Variants in TRANK1 observed in about 807,000 individuals in gnomAD.
TRANK1 encodes the protein tetratricopeptide repeat and ankyrin repeat containing 1, also known as TPR and ankyrin repeat-containing protein 1.
TRANK1 carries 198 observed loss-of-function variants against 266.0 expected under a neutral mutation model. That is an observed-to-expected ratio of 0.74 (90% confidence interval 0.66 to 0.84). TRANK1 has a LOEUF of 0.84. Among genes scored for constraint, TRANK1 ranks in the 40% least tolerant of loss-of-function variants. The pLI is 0.00. For missense variants in TRANK1, 3,326 were observed against 3,634.6 expected (o/e 0.92, Z 2.18); for synonymous variants, 1,396 against 1,384.1 (o/e 1.01, Z -0.19).
In TRANK1 at chr3:36,861,131, T is replaced by C. The variant is rs1559436343; in HGVS notation, c.1270A>G (p.Asn424Asp). ...AAGACGGTGGTGGCACAGTCTTGAT[T>C]AATATCACAGACCAGGTCAGGAGGA... ...EIPPDLVCDI[N>D]QDCATTVFKF... Residue 424 changes from asparagine to aspartate, a missense_variant, in exon 11 of 24, where the codon AAT becomes GAT. Transcript: ENST00000645898. The C allele has an allele frequency of 6.5e-7, 1 of 1,537,326 alleles. No individual in the cohort carries two copies. Among genetic ancestry groups the C allele is most frequent in the Non-Finnish European group, 8.7e-7 (1 of 1,146,926 alleles).
intron 1 of TRANK1, among the ~76,000 whole-genome samples, chr3:36,933,183 T>C (rs2080383091): frequency 6.6e-6 from 1 of 152,182 alleles, no homozygotes; most frequent in South Asian, 2.1e-4. Context: ...GTGCCCACCT[T>C]ATCTTTAAAA....
chr3:36,864,582 T>C, intron 9 of TRANK1, 102 bp from the exon 10 acceptor site: 2 of 1,108,112 alleles, frequency 1.8e-6, no homozygotes, highest in Non-Finnish European at 1.2e-6. Flanking sequence ...ACTCACATGC[T>C]GTGCAGTGTG....
rs1575202258 is a variant in TRANK1 at position 36,852,084 on chromosome 3, T to G, written c.4749+62A>C. 6.7e-6 allele frequency: 10 copies of G among 1,496,240 alleles called. No homozygotes were observed. The East Asian group carries it at 2.3e-4, about 34-fold the overall frequency. The allele number at this position is 1,496,240 out of a possible 1,614,324, so 92.7% of individuals were successfully genotyped here. On this transcript the variant is annotated intron_variant, in intron 14 of 23. Coordinates refer to ENST00000645898, the MANE Select transcript of TRANK1 (RefSeq NM_001329998.2). ...CTACTTTGTGGTATAATTTAGCTTC[T>G]CAAACTTTTTTCAATTGCAAACTGT...
intron 1 of TRANK1, among the ~76,000 whole-genome samples, chr3:36,934,643 T>C (rs1413724382): frequency 6.6e-6 from 1 of 152,126 alleles, no homozygotes; most frequent in South Asian, 2.1e-4. Flanking sequence ...TCGGAATCCT[T>C]TGTGAAACAT....
rs780132878 is a variant in TRANK1, at chr3:36,831,288, G to A, written c.8295C>T (p.Asp2765=). ...CTCCACATAGGTCACACTGGGTCCT[G>A]TCCACGTCTGCCTTTTTGAAGTTCC... ...RAGNFKKADV[D]RTQCDLCGVK... Residue 2765 remains aspartate (D), a synonymous_variant, in exon 22 of 24, where the codon GAC becomes GAT. Coordinates refer to ENST00000645898, the MANE Select transcript of TRANK1 (RefSeq NM_001329998.2). This position sits in a 1 kb window ranked among gnomAD's most constrained non-coding sequence, Gnocchi z 5.0. 20 of 1,613,282 alleles carry A rather than the reference G, an allele frequency of 1.2e-5. No individual in the cohort carries two copies. The East Asian group carries it at 1.6e-4, about 13-fold the overall frequency.
intron 18 of TRANK1, among the ~76,000 whole-genome samples, chr3:36,841,015 G>A (rs181296442): frequency 1.8e-4 from 28 of 152,286 alleles, no homozygotes; most frequent in Admixed American, 8.5e-4. Context: ...AAAACTCTTC[G>A]AAGAACTGGA....
intron 1 of TRANK1, among the ~76,000 whole-genome samples, chr3:36,940,098 G>A (rs1335426499): frequency 6.6e-6 from 1 of 151,448 alleles, no homozygotes; most frequent in Non-Finnish European, 1.5e-5. Context: ...CACCGTGTTG[G>A]CCAGGCTGGT....
At chr3:36,880,636 C>G (rs1278078322) in intron 8 of TRANK1, 1 of 194,614 alleles carries the variant, frequency 5.1e-6, no homozygotes, top group African/African-American at 2.4e-5. Context: ...ACACATCAAT[C>G]TACTACTTTT....
chr3:36,944,681 C>A lies in TRANK1; in HGVS notation c.23+106G>T, dbSNP rs569073927. 5.2e-6 allele frequency: 7 copies of A among 1,353,742 alleles called. No individual in the cohort carries two copies. In the South Asian group the frequency reaches 8.0e-5, roughly 16 times the overall value. The allele number at this position is 1,353,742 out of a possible 1,614,324, so 83.9% of individuals were successfully genotyped here. A position where few individuals can be genotyped will look rare whatever the true frequency, so the allele number is the denominator to read the frequency against. On this transcript the variant is annotated intron_variant, in intron 1 of 23. Transcript: ENST00000645898. Reference sequence around the variant, plus strand: ...GGATGGCCGGGCGGGCCCGTTCGGCCGCTACCTCAGGGTCGCCAGTCCCCG... The same window carrying A: ...GGATGGCCGGGCGGGCCCGTTCGGCAGCTACCTCAGGGTCGCCAGTCCCCG...
intron 9 of TRANK1, 116 bp downstream of exon 9, chr3:36,874,010 C>T: frequency 1.1e-6 from 1 of 917,470 alleles, no homozygotes; most frequent in Non-Finnish European, 1.5e-6. Flanking sequence ...GGTCTCACTT[C>T]CATATATATA....
chr3:36,848,318 T>G (rs1254450062), intron 15 of TRANK1, among the ~76,000 whole-genome samples: 2 of 152,196 alleles, frequency 1.3e-5, no homozygotes, highest in African/African-American at 4.8e-5. Flanking sequence ...TTGGCCCACA[T>G]GCCATAAAAA....
chr3:36,931,162 G>A (rs1320626743), intron 1 of TRANK1, among the ~76,000 whole-genome samples: 1 of 151,988 alleles, frequency 6.6e-6, no homozygotes, highest in Admixed American at 6.6e-5. Context: ...TCACTATCAT[G>A]TTGCTGTAAT....
At chr3:36,878,502 A>G (rs2079422740) in intron 8 of TRANK1, among the ~76,000 whole-genome samples, 1 of 152,192 alleles carries the variant, frequency 6.6e-6, no homozygotes, top group Non-Finnish European at 1.5e-5. Context: ...CCTTTAGGTC[A>G]ATGTAGCAAC....
rs772286525 is a variant in TRANK1, at chr3:36,857,072, C to T, written c.2650G>A (p.Gly884Arg). Residue 884 changes from glycine (G) to arginine (R), a missense_variant, in exon 13 of 24, where the codon GGA (glycine) becomes AGA (arginine). Transcript: ENST00000645898. This position sits in a 1 kb window ranked among gnomAD's most constrained non-coding sequence, Gnocchi z 4.3. ...TTAGCTTCGAAGAGCTGGATGCTTC[C>T]TTTCAGGTGCTTCAGTCGCTTCTGC... ...GLQKRLKHLK[G>R]SIQLFEAKLD... is the part of the protein sequence containing the mutation. 2 of 1,614,066 alleles carry T rather than the reference C, an allele frequency of 1.2e-6. No homozygotes were observed. The highest frequency in any genetic ancestry group is 2.2e-5 in the East Asian group (1 of 44,892).
At chr3:36,885,892 T>C (rs913470698) in intron 8 of TRANK1, among the ~76,000 whole-genome samples, 1 of 152,094 alleles carries the variant, frequency 6.6e-6, no homozygotes, top group African/African-American at 2.4e-5. Context: ...GTGAGGGGAG[T>C]ACAGAAAATC....
chr3:36,895,843 C>T, intron 4 of TRANK1, 85 bp from the exon 5 acceptor site: 1 of 800,930 alleles, frequency 1.2e-6, no homozygotes, highest in Non-Finnish European at 1.9e-6. Context: ...TAAGTTCACA[C>T]ATAGACAAAT....
chr3:36,876,298 C>G (rs1268166564), intron 8 of TRANK1, among the ~76,000 whole-genome samples: 1 of 152,248 alleles, frequency 6.6e-6, no homozygotes, highest in Non-Finnish European at 1.5e-5. Context: ...AACACTTAAC[C>G]AGGATCTGGC....
chr3:36,866,002 AAGAGAGAGAGACAGACAGAAAGAAAG>A (rs1406853035), intron 9 of TRANK1, among the ~76,000 whole-genome samples: 1 of 150,344 alleles, frequency 6.7e-6, no homozygotes, highest in African/African-American at 2.4e-5. Flanking sequence ...AAGAAAGAGA[AAGAGAGAGAGACAGACAGAAAGAAAG>A]AGAGAGAGAG....
At position 36,828,095 on chromosome 3, in the gene TRANK1, G is replaced by T. The variant is rs761278448; in HGVS notation, c.*180C>A. 1 of 574,490 alleles carries T rather than the reference G, an allele frequency of 1.7e-6. No homozygotes were observed. The highest frequency in any genetic ancestry group is 3.1e-6 in the Non-Finnish European group (1 of 321,304). 35.6% of individuals were successfully genotyped at this position (574,490 alleles called of 1,614,324 possible). On this transcript the variant is annotated 3_prime_UTR_variant, in exon 24 of 24. Coordinates refer to ENST00000645898, the MANE Select transcript of TRANK1 (RefSeq NM_001329998.2). ...ACTTGGAAACACTTTAGAGGTGAGG[G>T]AGCAATCAGATCCTAAGCCACTGAA... is the stretch of plus-strand genomic sequence containing the variant.
Sources: allele counts gnomAD v4.1 joint callset (sites outside exome capture counted in the v4.1 genomes callset), GRCh38; gene constraint gnomAD v4.1.1; non-coding constraint Gnocchi (gnomAD v3.1); transcripts MANE v1.5; gene names NCBI Gene and HGNC (gene_info 2026-07-23, HGNC 2026-07-21).